Variants in MAN1C1 observed in about 807,000 individuals in gnomAD.
The protein encoded by MAN1C1 is mannosidase alpha class 1C member 1.
Under a neutral mutation model 71.5 loss-of-function variants are expected in MAN1C1, and 49 were observed. The observed-to-expected ratio is 0.69, with a 90% CI of 0.54 to 0.87. The LOEUF (loss-of-function observed/expected upper bound fraction) is 0.87. Ranked by LOEUF, MAN1C1 falls within the 40% of genes least tolerant of loss-of-function variation. The pLI, the probability that MAN1C1 is intolerant of heterozygous loss-of-function variation, is 0.00. For missense variants in MAN1C1, 743 were observed against 835.0 expected, an observed-to-expected ratio of 0.89 and a Z score of 1.36; for synonymous variants, 352 against 343.7, an observed-to-expected ratio of 1.02 and a Z score of -0.27.
At chr1:25,781,300 T>A (rs2047691378) in intron 10 of MAN1C1, 188 bp downstream of exon 10, 4 of 625,616 alleles carry the variant, frequency 6.4e-6, no homozygotes, top group African/African-American at 1.8e-5. Context: ...GGCAAAGTTG[T>A]CCTGAGACAG....
At chr1:25,643,634 A>G (rs896881019) in intron 1 of MAN1C1, among the ~76,000 whole-genome samples, 7 of 149,174 alleles carry the variant, frequency 4.7e-5, no homozygotes, top group Non-Finnish European at 1.0e-4. Flanking sequence ...CTTCCCGAGT[A>G]GCTGGGATTA....
At chr1:25,770,463 C>T (rs1259438326) in intron 7 of MAN1C1, among the ~76,000 whole-genome samples, 1 of 152,130 alleles carries the variant, frequency 6.6e-6, no homozygotes, top group Non-Finnish European at 1.5e-5. Context: ...TCTTTCTCTA[C>T]GTATCTCTGT....
intron 2 of MAN1C1, among the ~76,000 whole-genome samples, chr1:25,741,358 C>T (rs985650951): frequency 6.6e-6 from 1 of 152,118 alleles, no homozygotes; most frequent in Non-Finnish European, 1.5e-5. Context: ...CCCAGGGCAC[C>T]CCAGTCTTTA....
At position 25,778,112 on chromosome 1, in the gene MAN1C1, A is replaced by G. The variant is rs997758621; in HGVS notation, c.1265A>G (p.Glu422Gly). ...NMYYEALEAI[E>G]TYLLNVSPGG... ...TCCCCACCTTGCTCCCAGGCGATAG[A>G]GACCTACTTGCTGAATGTCTCTCCC... is the stretch of plus-strand genomic sequence containing the variant. Residue 422 changes from glutamate to glycine, a missense_variant, in exon 9 of 12, where the codon GAG becomes GGG. Transcript: ENST00000374332. The surrounding 1 kb of genome is among the most constrained non-coding windows in gnomAD (Gnocchi z 5.5). The G allele has an allele frequency of 1.9e-6, 3 of 1,557,500 alleles. No individual in the cohort carries two copies. The highest frequency in any genetic ancestry group is 2.6e-6 in the Non-Finnish European group (3 of 1,146,872).
chr1:25,734,995 T>C (rs1398881401), intron 2 of MAN1C1, among the ~76,000 whole-genome samples: 2 of 152,018 alleles, frequency 1.3e-5, no homozygotes, highest in Non-Finnish European at 2.9e-5. Flanking sequence ...TGTGGGGACA[T>C]TGTGTGTTAG....
intron 2 of MAN1C1, among the ~76,000 whole-genome samples, chr1:25,717,121 C>T (rs2046691289): frequency 6.6e-6 from 1 of 152,208 alleles, no homozygotes; most frequent in Non-Finnish European, 1.5e-5. Flanking sequence ...TTTGAACATT[C>T]ACAAGCAGTT....
chr1:25,729,807 G>A (rs972568713), intron 2 of MAN1C1, among the ~76,000 whole-genome samples: 1 of 152,080 alleles, frequency 6.6e-6, no homozygotes, highest in Non-Finnish European at 1.5e-5. Flanking sequence ...CCCGTGCCTG[G>A]CCAGGCATCC....
rs2047652232 is a variant in MAN1C1, at chr1:25,778,568, C to T, written c.1477+244C>T. On this transcript the variant is annotated intron_variant, in intron 9 of 11. Transcript: ENST00000374332. This position sits in a 1 kb window ranked among gnomAD's most constrained non-coding sequence, Gnocchi z 5.5. The stretch of plus-strand genomic sequence containing the variant: ...TGGTACTCTTCCGCACTTGACACAA[C>T]ATCACTGAACCTCACCACACAGATG... Among the ~76,000 whole-genome samples the T allele has an allele frequency of 6.6e-6, 1 of 152,200 alleles. No homozygotes were observed. Among genetic ancestry groups the T allele is most frequent in the Admixed American group, 6.5e-5 (1 of 15,284 alleles).
At position 25,617,762 on chromosome 1, in the gene MAN1C1, A is replaced by C; in HGVS notation, c.-36A>C. On this transcript the variant is annotated 5_prime_UTR_variant, in exon 1 of 12. Transcript: ENST00000374332. This position sits in a 1 kb window ranked among gnomAD's most constrained non-coding sequence, Gnocchi z 5.1. ...CGCGCCCCCGCAGACACGTGCCTGG[A>C]CTCCGAGGGCTTCTGGAGCCACCGG... The C allele has an allele frequency of 6.5e-7, 1 of 1,542,196 alleles. No individual in the cohort carries two copies. The highest frequency in any genetic ancestry group is 2.6e-5 in the East Asian group (1 of 38,934).
At chr1:25,672,378 T>G (rs2046004804) in intron 1 of MAN1C1, among the ~76,000 whole-genome samples, 1 of 152,170 alleles carries the variant, frequency 6.6e-6, no homozygotes, top group Admixed American at 6.5e-5. Context: ...CTTTCCAGTA[T>G]CCTGAAAAGA....
intron 6 of MAN1C1, chr1:25,758,982 G>A (rs555688749): frequency 7.3e-6 from 3 of 410,534 alleles, no homozygotes; most frequent in East Asian, 4.3e-5. Flanking sequence ...ACTGGTCTGC[G>A]TGAGCTCAGT....
At chr1:25,736,132 T>C (rs1209947404) in intron 2 of MAN1C1, among the ~76,000 whole-genome samples, 1 of 152,142 alleles carries the variant, frequency 6.6e-6, no homozygotes, top group African/African-American at 2.4e-5. Flanking sequence ...GGCAAAGGGC[T>C]CTGATTTTTG....
At chr1:25,641,306 T>A (rs921624118) in intron 1 of MAN1C1, among the ~76,000 whole-genome samples, 1 of 152,210 alleles carries the variant, frequency 6.6e-6, no homozygotes, top group Non-Finnish European at 1.5e-5. Context: ...TGAAAAGGGA[T>A]GTGACCAACC....
intron 1 of MAN1C1, among the ~76,000 whole-genome samples, chr1:25,642,273 C>T (rs553425799): frequency 6.6e-5 from 10 of 152,236 alleles, no homozygotes; most frequent in South Asian, 4.1e-4. Context: ...GCAACAAAGC[C>T]GGTGGTCATC....
At chr1:25,739,401 C>G (rs1463786624) in intron 2 of MAN1C1, among the ~76,000 whole-genome samples, 3 of 152,206 alleles carry the variant, frequency 2.0e-5, no homozygotes, top group Non-Finnish European at 4.4e-5. Context: ...TGTGCATTGT[C>G]TCATTAAATT....
intron 1 of MAN1C1, chr1:25,658,873 A>T (rs2045806765): frequency 6.6e-6 from 1 of 152,238 alleles, no homozygotes; most frequent in Non-Finnish European, 1.5e-5. Context: ...ATCAAACTTT[A>T]CACACACACA....
At position 25,733,917 on chromosome 1, in the gene MAN1C1, T is replaced by A. The variant is rs180925408; in HGVS notation, c.638-12751T>A. On this transcript the variant is annotated intron_variant, in intron 2 of 11. Transcript: ENST00000374332. The stretch of plus-strand genomic sequence containing the variant: ...CGTGCTCACGCCATTCTCCTGCCTC[T>A]GCCTCCTGAGTAGCTGGGACTACAG... Among the ~76,000 whole-genome samples the A allele has an allele frequency of 8.5e-4, 129 of 151,618 alleles. 1 individual carries two copies. Among genetic ancestry groups the A allele is most frequent in the Non-Finnish European group, 1.6e-3 (110 of 67,846 alleles).
At chr1:25,630,143 G>T (rs1223686602) in intron 1 of MAN1C1, among the ~76,000 whole-genome samples, 1 of 152,026 alleles carries the variant, frequency 6.6e-6, no homozygotes, top group Non-Finnish European at 1.5e-5. Context: ...TTATTAAATA[G>T]GGTGCCCTTT....
intron 2 of MAN1C1, among the ~76,000 whole-genome samples, chr1:25,723,020 T>C (rs1287203559): frequency 6.6e-6 from 1 of 152,242 alleles, no homozygotes; most frequent in African/African-American, 2.4e-5. Flanking sequence ...TTGTCCTCAA[T>C]GTTTCATGAC....
Sources: allele counts gnomAD v4.1 joint callset (sites outside exome capture counted in the v4.1 genomes callset), GRCh38; gene constraint gnomAD v4.1.1; non-coding constraint Gnocchi (gnomAD v3.1); transcripts MANE v1.5; gene names NCBI Gene and HGNC (gene_info 2026-07-23, HGNC 2026-07-21).